Variants in FARP1 observed in about 807,000 individuals in gnomAD.
The protein encoded by FARP1 is FERM, ARHGEF and pleckstrin domain-containing protein 1.
In FARP1, 52 loss-of-function variants were observed where a neutral mutation model predicts 128.8. That is an observed-to-expected ratio of 0.40 (90% CI 0.32 to 0.51). The LOEUF is 0.51. Ranked by LOEUF, FARP1 falls within the 20% of genes least tolerant of loss-of-function variation. FARP1 has a pLI of 0.45. For missense variants in FARP1, 1,333 were observed against 1,367.9 expected (o/e 0.97, Z 0.40); for synonymous variants, 580 against 551.8 (o/e 1.05, Z -0.72).
intron 5 of FARP1, among the ~76,000 whole-genome samples, chr13:98,376,412 A>C (rs1889586326): frequency 6.6e-6 from 1 of 152,184 alleles, no homozygotes. Flanking sequence ...ACTTAACATA[A>C]TGACCTCCAG....
rs1892416877 is a variant in FARP1, at chr13:98,439,140, C to T, written c.2377C>T (p.Leu793=). The T allele has an allele frequency of 1.2e-6, 2 of 1,613,946 alleles. No individual in the cohort carries two copies. The highest frequency in any genetic ancestry group is 2.7e-5 in the African/African-American group (2 of 75,060). ...NDVLLYTSRG[L]TASNQFKVHG... is the part of the protein sequence containing the mutation. ...CGTCCTGCTATACACGAGCCGGGGG[C>T]TGACGGCCTCCAATCAGTTTAAAGT... Residue 793 remains leucine (L), a synonymous_variant, in exon 21 of 27, where the codon CTG becomes TTG. Coordinates refer to ENST00000319562, the MANE Select transcript of FARP1 (RefSeq NM_005766.4).
At chr13:98,256,270 CAG>C (rs1397890828) in intron 2 of FARP1, among the ~76,000 whole-genome samples, 1 of 152,158 alleles carries the variant, frequency 6.6e-6, no homozygotes, top group Non-Finnish European at 1.5e-5. Flanking sequence ...GGTAATGAAT[CAG>C]TATTTAAAAT....
chr13:98,222,888 G>A lies in FARP1; in HGVS notation c.171+9475G>A, dbSNP rs143656429. On this transcript the variant is annotated intron_variant, in intron 2 of 26. Coordinates refer to ENST00000319562, the MANE Select transcript of FARP1 (RefSeq NM_005766.4). ...CTTGACCTCGCAACCCGGCTGCCTT[G>A]GCCTCCTAAAGTGCTGAGATTACAG... Among the ~76,000 whole-genome samples the A allele has an allele frequency of 4.3e-4, 64 of 150,492 alleles. No homozygotes were observed. The East Asian group carries it at 0.012, about 28-fold the overall frequency.
At chr13:98,291,841 A>G (rs1885462089) in intron 2 of FARP1, among the ~76,000 whole-genome samples, 1 of 152,202 alleles carries the variant, frequency 6.6e-6, no homozygotes, top group Non-Finnish European at 1.5e-5. Flanking sequence ...GTCTGTGTAA[A>G]CAGCACCAAG....
rs534082076 is a variant in FARP1, at chr13:98,166,376, T to C, written c.-24+22884T>C. 9.5e-4 allele frequency among the ~76,000 whole-genome samples: 145 copies of C among 152,370 alleles called. No homozygotes were observed. The South Asian group carries it at 0.013, about 14-fold the overall frequency. ...TTGCCCTCCATGGCTTACAACCTTA[T>C]AACCGTTCATTCGTTTTATGAACTT... On this transcript the variant is annotated intron_variant, in intron 1 of 26. Coordinates refer to ENST00000319562, the MANE Select transcript of FARP1 (RefSeq NM_005766.4).
intron 5 of FARP1, among the ~76,000 whole-genome samples, chr13:98,375,573 C>G (rs1889544558): frequency 6.6e-6 from 1 of 152,110 alleles, no homozygotes; most frequent in Non-Finnish European, 1.5e-5. Context: ...TACCATGTCT[C>G]CAAGGCCCTA....
At chr13:98,188,555 C>A (rs367920833) in intron 1 of FARP1, among the ~76,000 whole-genome samples, 2 of 151,778 alleles carry the variant, frequency 1.3e-5, no homozygotes, top group African/African-American at 2.4e-5. Context: ...GGTGAGACTC[C>A]GTCTCAAAAG....
intron 1 of FARP1, among the ~76,000 whole-genome samples, chr13:98,195,042 G>A (rs568671787): frequency 1.5e-4 from 23 of 151,708 alleles, no homozygotes; most frequent in African/African-American, 3.1e-4. Context: ...GTGTAGAATC[G>A]GGAGTGTTAA....
intron 6 of FARP1, among the ~76,000 whole-genome samples, 184 bp downstream of exon 6, chr13:98,378,102 T>A (rs1421883936): frequency 6.6e-6 from 1 of 152,222 alleles, no homozygotes; most frequent in Non-Finnish European, 1.5e-5. Context: ...AATATGCATA[T>A]CCCCAAATGT....
At chr13:98,155,202 T>C (rs1312686851) in intron 1 of FARP1, among the ~76,000 whole-genome samples, 1 of 151,904 alleles carries the variant, frequency 6.6e-6, no homozygotes, top group Non-Finnish European at 1.5e-5. Flanking sequence ...CAAAATTATC[T>C]GGGAGTGCTG....
At chr13:98,422,301 A>G (rs1891621661) in intron 16 of FARP1, among the ~76,000 whole-genome samples, 1 of 152,176 alleles carries the variant, frequency 6.6e-6, no homozygotes, top group South Asian at 2.1e-4. Flanking sequence ...GGTGGTTCAG[A>G]GGTTAACAGC....
chr13:98,298,056 C>T (rs1429337630), intron 2 of FARP1, among the ~76,000 whole-genome samples: 11 of 152,158 alleles, frequency 7.2e-5, no homozygotes, highest in African/African-American at 7.2e-5. Flanking sequence ...AGAAACAGGG[C>T]GACCCAGGAT....
intron 6 of FARP1, 54 bp from the exon 7 acceptor site, chr13:98,384,676 A>G: frequency 2.7e-6 from 3 of 1,118,344 alleles, no homozygotes. Flanking sequence ...GAATATTGAC[A>G]AACTGGGAAG....
chr13:98,202,343 A>AAAAAATCAAGTGTGG (rs1408874656), intron 1 of FARP1, among the ~76,000 whole-genome samples: 1 of 152,146 alleles, frequency 6.6e-6, no homozygotes, highest in Non-Finnish European at 1.5e-5. Context: ...GCCCTCACTC[A>AAAAAATCAAGTGTGG]ATGGCACATC....
At chr13:98,376,824 C>A (rs1397285759) in intron 5 of FARP1, among the ~76,000 whole-genome samples, 1 of 147,094 alleles carries the variant, frequency 6.8e-6, no homozygotes, top group Non-Finnish European at 1.5e-5. Context: ...GGATATGAGC[C>A]ATTTTAACTG....
At chr13:98,336,033 T>C (rs940671582) in intron 2 of FARP1, among the ~76,000 whole-genome samples, 3 of 152,190 alleles carry the variant, frequency 2.0e-5, no homozygotes, top group Admixed American at 2.0e-4. Flanking sequence ...GTCTATGAGA[T>C]GATTTCCACA....
At chr13:98,208,407 G>C (rs574486534) in intron 1 of FARP1, 1 of 151,986 alleles carries the variant, frequency 6.6e-6, no homozygotes, top group Admixed American at 6.6e-5. Context: ...GAACCTGGAA[G>C]GCAGAGGTTG....
rs201331026 is a variant in FARP1 at position 98,431,189 on chromosome 13, G to A, written c.2052G>A (p.Arg684=). 13 of 1,613,090 alleles carry A rather than the reference G, an allele frequency of 8.1e-6. No individual in the cohort carries two copies. In the Admixed American group the frequency reaches 1.0e-4, roughly 12 times the overall value. ...TACCGCTCAACACCTTCCTCCTGCG[G>A]CCACTGCACCGGCTCATGCACTACA... ...CYLPLNTFLL[R]PLHRLMHYKQ... Residue 684 remains arginine, a synonymous_variant, in exon 18 of 27, where the codon CGG becomes CGA. Transcript: ENST00000319562.
At position 98,448,444 on chromosome 13, in the gene FARP1, C is replaced by G; in HGVS notation, c.*127C>G. On this transcript the variant is annotated 3_prime_UTR_variant, in exon 27 of 27. Transcript: ENST00000319562. ...AAAAACATGGCTTCCCAGCAGCTCT[C>G]CTGTCTCCACAGCCGCGTTTTTTAA... The G allele has an allele frequency of 1.3e-6, 1 of 772,376 alleles. No homozygotes were observed. Among genetic ancestry groups the G allele is most frequent in the Non-Finnish European group, 2.2e-6 (1 of 452,442 alleles). The allele number at this position is 772,376 out of a possible 1,614,324, so 47.8% of individuals were successfully genotyped here. A position where few individuals can be genotyped will look rare whatever the true frequency, so the allele number is the denominator to read the frequency against.
Sources: gnomAD v4.1 joint callset for allele counts (sites outside exome capture counted in the v4.1 genomes callset) on GRCh38, gnomAD v4.1.1 for gene constraint, MANE v1.5 for transcripts, NCBI Gene and HGNC (gene_info 2026-07-23, HGNC 2026-07-21) for gene names.